TTC6: variants seen among roughly 807,000 people sequenced by gnomAD.
TTC6 encodes the protein tetratricopeptide repeat domain 6, also known as tetratricopeptide repeat protein 6.
A neutral mutation model predicts 210.4 loss-of-function variants in TTC6; 172 were observed. That is an observed-to-expected ratio of 0.82 (90% CI 0.72 to 0.93). The LOEUF (loss-of-function observed/expected upper bound fraction) is 0.93. Ranked by LOEUF, TTC6 falls within the 40% of genes least tolerant of loss-of-function variation. The pLI is 0.00. For missense variants in TTC6, 2,414 were observed against 2,318.1 expected (o/e 1.04, Z -0.85); for synonymous variants, 804 against 819.6 (o/e 0.98, Z 0.32).
intron 5 of TTC6, among the ~76,000 whole-genome samples, chr14:37,711,973 A>C (rs184644406): frequency 8.3e-4 from 126 of 152,266 alleles, no homozygotes; most frequent in Non-Finnish European, 1.6e-3. Context: ...AGAGAACTCT[A>C]GAAAGGGTTC....
At chr14:37,671,702 T>C (rs1160216457) in intron 1 of TTC6, among the ~76,000 whole-genome samples, 2 of 152,138 alleles carry the variant, frequency 1.3e-5, no homozygotes, top group Non-Finnish European at 2.9e-5. Flanking sequence ...TGATATGATT[T>C]GGCTCTGTAT....
intron 7 of TTC6, among the ~76,000 whole-genome samples, chr14:37,731,752 A>G (rs995180443): frequency 3.9e-5 from 6 of 152,194 alleles, no homozygotes; most frequent in African/African-American, 9.6e-5. Context: ...CCTTCATTAA[A>G]TATTTGTTCC....
chr14:37,617,145 G>T (rs1251023260), upstream of TTC6, among the ~76,000 whole-genome samples: 1 of 152,060 alleles, frequency 6.6e-6, no homozygotes, highest in African/African-American at 2.4e-5. Context: ...CAAAGCGCTG[G>T]GATTGCAAGA....
At chr14:37,772,781 G>A (rs1436262323) in intron 14 of TTC6, among the ~76,000 whole-genome samples, 1 of 152,136 alleles carries the variant, frequency 6.6e-6, no homozygotes, top group African/African-American at 2.4e-5. Flanking sequence ...TGCTCACGCT[G>A]GGAGCTGTAG....
Position 37,635,161 on chromosome 14 carries a change from A to G in TTC6, c.939+12158A>G, listed in dbSNP as rs1259705068. On this transcript the variant is annotated intron_variant, in intron 1 of 30. Coordinates refer to ENST00000553443, the Ensembl canonical transcript of TTC6. ...GTGGCTCTAAATGCTGGTAGAGGAA[A>G]TATTTAAGAAAATTACAGATAGAGG... Among the ~76,000 whole-genome samples, 5 of 152,330 alleles carry G rather than the reference A, an allele frequency of 3.3e-5. No individual in the cohort carries two copies. In the East Asian group the frequency reaches 9.6e-4, roughly 29 times the overall value.
chr14:37,738,520 A>G (rs1365896863), intron 9 of TTC6, among the ~76,000 whole-genome samples: 3 of 152,230 alleles, frequency 2.0e-5, no homozygotes, highest in East Asian at 1.9e-4. Flanking sequence ...CATAATACAT[A>G]TCTAATTTAT....
intron 2 of TTC6, among the ~76,000 whole-genome samples, chr14:37,610,146 G>T (rs997545897): frequency 1.3e-5 from 2 of 152,184 alleles, no homozygotes; most frequent in African/African-American, 4.8e-5. Context: ...GGCTGGCTTT[G>T]TCTGTTTCTA....
intron 25 of TTC6, among the ~76,000 whole-genome samples, chr14:37,817,236 A>T (rs1322828095): frequency 6.6e-6 from 1 of 152,218 alleles, no homozygotes; most frequent in Non-Finnish European, 1.5e-5. Context: ...CACTGGGAAT[A>T]AACAATAGAA....
chr14:37,755,959 A>G (rs1022249690), intron 14 of TTC6, among the ~76,000 whole-genome samples: 6 of 152,178 alleles, frequency 3.9e-5, no homozygotes, highest in Admixed American at 3.3e-4. Context: ...GGCCATTTTC[A>G]TGATAATGAT....
At chr14:37,789,618 T>TG (rs2096075045) in intron 15 of TTC6, among the ~76,000 whole-genome samples, 1 of 106,082 alleles carries the variant, frequency 9.4e-6, no homozygotes, top group South Asian at 3.1e-4. Context: ...ATATATATAT[T>TG]GTATATACTC....
At chr14:37,788,098 A>G (rs1005918289) in intron 15 of TTC6, among the ~76,000 whole-genome samples, 13 of 152,098 alleles carry the variant, frequency 8.5e-5, no homozygotes, top group African/African-American at 3.1e-4. Context: ...GGATTTGTCA[A>G]ATTCAGAGTT....
intron 1 of TTC6, among the ~76,000 whole-genome samples, chr14:37,632,151 T>A (rs2095671132): frequency 6.6e-6 from 1 of 152,212 alleles, no homozygotes; most frequent in South Asian, 2.1e-4. Context: ...CCAGTTTTGT[T>A]CCCTTGATGG....
intron 14 of TTC6, among the ~76,000 whole-genome samples, chr14:37,770,699 C>G (rs1371763747): frequency 4.0e-4 from 60 of 150,036 alleles, no homozygotes; most frequent in East Asian, 1.4e-3. Flanking sequence ...ATGTGTGTCT[C>G]TGCACGTGAG....
intron 1 of TTC6, among the ~76,000 whole-genome samples, chr14:37,660,219 GT>G (rs955288828): frequency 2.0e-4 from 29 of 148,608 alleles, no homozygotes; most frequent in African/African-American, 6.7e-4. Context: ...GTCTTCCAGG[GT>G]TTTTTTTTTA....
intron 2 of TTC6, chr14:37,611,283 AG>A: frequency 6.6e-6 from 1 of 152,336 alleles, no homozygotes; most frequent in African/African-American, 2.4e-5. Flanking sequence ...GGCACAGGAA[AG>A]GCCTGTTGGA....
In TTC6 at chr14:37,670,531, C is replaced by T. The variant is rs142518986; in HGVS notation, c.940-9620C>T. Among the ~76,000 whole-genome samples, 1,193 of 131,834 alleles carry T rather than the reference C, an allele frequency of 9.0e-3. 18 individuals are homozygous for T. Among genetic ancestry groups the T allele is most frequent in the African/African-American group, 0.032 (1,112 of 35,176 alleles). The allele number at this position is 131,834 out of a possible 152,430, so 86.5% of individuals were successfully genotyped here. On this transcript the variant is annotated intron_variant, in intron 1 of 30. Coordinates refer to ENST00000553443, the Ensembl canonical transcript of TTC6. ...TGTTGTCGAGGCTGGAGTGCAGTGG[C>T]GTAATCTTGGCTCACTGCAACCTCC...
At chr14:37,817,836 T>C (rs1315758544) in intron 26 of TTC6, among the ~76,000 whole-genome samples, 185 bp downstream of exon 28, 1 of 152,118 alleles carries the variant, frequency 6.6e-6, no homozygotes, top group African/African-American at 2.4e-5. Flanking sequence ...CACTTAGTGT[T>C]CCTCAGCACC....
chr14:37,629,549 C>A (rs2095665874), intron 1 of TTC6, among the ~76,000 whole-genome samples: 1 of 152,140 alleles, frequency 6.6e-6, no homozygotes, highest in South Asian at 2.1e-4. Flanking sequence ...ATGTCATTTG[C>A]AGACAGAGAC....
intron 1 of TTC6, among the ~76,000 whole-genome samples, chr14:37,661,864 C>T (rs1203492424): frequency 6.6e-6 from 1 of 152,112 alleles, no homozygotes; most frequent in Non-Finnish European, 1.5e-5. Flanking sequence ...TTGTAGTTCT[C>T]CTTGAAGAGG....
Sources: gnomAD v4.1 joint callset for allele counts (sites outside exome capture counted in the v4.1 genomes callset) on GRCh38, gnomAD v4.1.1 for gene constraint, MANE v1.5 for transcripts, NCBI Gene and HGNC (gene_info 2026-07-23, HGNC 2026-07-21) for gene names.